EXOC4: variants seen among roughly 807,000 people sequenced by gnomAD.
EXOC4 encodes SEC8-like 1.
EXOC4 carries 71 observed loss-of-function variants against 107.2 expected under a neutral mutation model. The ratio of observed to expected loss-of-function variants is 0.66; its 90% CI spans 0.55 to 0.81. The LOEUF (loss-of-function observed/expected upper bound fraction) is 0.81. Among genes scored for constraint, EXOC4 ranks in the 30% least tolerant of loss-of-function variants. The pLI is 0.00. For synonymous variants in EXOC4, 456 were observed against 441.2 expected (o/e 1.03, Z -0.42); for missense variants, 1,108 against 1,189.6 (o/e 0.93, Z 1.01).
intron 17 of EXOC4, among the ~76,000 whole-genome samples, chr7:134,061,062 C>A (rs1166579530): frequency 3.3e-5 from 5 of 152,104 alleles, no homozygotes; most frequent in Non-Finnish European, 7.4e-5. Context: ...AAGTGGCATG[C>A]CCTTTATCAC....
At chr7:133,981,324 C>A (rs921889160) in intron 14 of EXOC4, among the ~76,000 whole-genome samples, 1 of 151,984 alleles carries the variant, frequency 6.6e-6, no homozygotes, top group African/African-American at 2.4e-5. Flanking sequence ...TCAGATTTTG[C>A]GATCAAATGT....
intron 10 of EXOC4, among the ~76,000 whole-genome samples, chr7:133,761,371 G>A (rs911302725): frequency 4.6e-5 from 7 of 152,030 alleles, no homozygotes; most frequent in African/African-American, 1.4e-4. Flanking sequence ...GAGAGTTTAA[G>A]GGTGCTTAAG....
intron 9 of EXOC4, among the ~76,000 whole-genome samples, chr7:133,589,369 C>T (rs780471410): frequency 9.2e-5 from 14 of 152,176 alleles, no homozygotes; most frequent in Admixed American, 1.3e-4. Context: ...TTGCTATGAC[C>T]TGTGCTCTTC....
Position 133,710,178 on chromosome 7 carries a change from G to A in EXOC4, c.1514+80037G>A, listed in dbSNP as rs565340128. Among the ~76,000 whole-genome samples, 5 of 152,168 alleles carry A rather than the reference G, an allele frequency of 3.3e-5. No individual in the cohort carries two copies. In the East Asian group the frequency reaches 9.7e-4, roughly 29 times the overall value. ...CAGAAGCAGCAATGGTGATAGTCTG[G>A]GCTTCTATCACAGGGTGGGACAGAC... On this transcript the variant is annotated intron_variant, in intron 10 of 17. Transcript: ENST00000253861.
At chr7:133,916,051 C>T (rs959599113) in intron 12 of EXOC4, among the ~76,000 whole-genome samples, 3 of 152,156 alleles carry the variant, frequency 2.0e-5, no homozygotes, top group African/African-American at 7.2e-5. Flanking sequence ...GGTCCCCAAC[C>T]TTTTTGGCAC....
chr7:134,077,542 G>A, the EXOC4 span, among the ~76,000 whole-genome samples: 1 of 152,212 alleles, frequency 6.6e-6, no homozygotes, highest in Non-Finnish European at 1.5e-5. Context: ...GGTTGAAACA[G>A]GAGAATCTTT....
chr7:133,996,351 G>C lies in EXOC4; in HGVS notation c.2207-1141G>C, dbSNP rs141249621. ...GCCAGGACTTAAAGCCAAACTTTGA[G>C]GCTCTAGAGAGCTAAGAAAACTTTT... is the stretch of plus-strand genomic sequence containing the variant. On this transcript the variant is annotated intron_variant, in intron 14 of 17. Transcript: ENST00000253861. Among the ~76,000 whole-genome samples, 891 of 152,184 alleles carry C rather than the reference G, an allele frequency of 5.9e-3. 6 individuals are homozygous for C. The highest frequency in any genetic ancestry group is 0.02 in the African/African-American group (843 of 41,524).
chr7:133,727,836 GTTTTTATA>G (rs1795248200), intron 10 of EXOC4: 1 of 152,072 alleles, frequency 6.6e-6, no homozygotes. Flanking sequence ...ATTTTTATTC[GTTTTTATA>G]TTTTTATAGT....
intron 10 of EXOC4, among the ~76,000 whole-genome samples, chr7:133,689,784 C>T (rs1410349028): frequency 2.0e-5 from 3 of 152,208 alleles, no homozygotes; most frequent in African/African-American, 7.2e-5. Context: ...GAGCCAGACT[C>T]AGGTTTGGTC....
chr7:133,586,340 C>T (rs545709655), intron 9 of EXOC4, among the ~76,000 whole-genome samples: 12 of 152,238 alleles, frequency 7.9e-5, no homozygotes, highest in South Asian at 2.1e-4. Context: ...ATGCAGTATT[C>T]GGTTTTCTGT....
At chr7:133,500,781 T>G (rs1799560796) in intron 9 of EXOC4, among the ~76,000 whole-genome samples, 1 of 152,242 alleles carries the variant, frequency 6.6e-6, no homozygotes, top group Non-Finnish European at 1.5e-5. Context: ...TCAGTTCTTT[T>G]AATTTTAGAC....
At chr7:133,904,377 G>A (rs978649591) in intron 12 of EXOC4, among the ~76,000 whole-genome samples, 3 of 152,150 alleles carry the variant, frequency 2.0e-5, no homozygotes, top group Non-Finnish European at 4.4e-5. Flanking sequence ...CCGTTCTATA[G>A]GAATTGTGTT....
intron 10 of EXOC4, among the ~76,000 whole-genome samples, chr7:133,757,395 A>G (rs1424942888): frequency 3.9e-5 from 6 of 152,196 alleles, no homozygotes; most frequent in African/African-American, 1.4e-4. Flanking sequence ...TGTGATTTTG[A>G]TGTTTAAAGG....
chr7:133,288,419 T>A (rs1238558828), intron 2 of EXOC4, among the ~76,000 whole-genome samples: 1 of 152,166 alleles, frequency 6.6e-6, no homozygotes, highest in Non-Finnish European at 1.5e-5. Context: ...GTGCCTACTT[T>A]CTTTTGGAAG....
chr7:133,562,665 G>A (rs1800831821), intron 9 of EXOC4, among the ~76,000 whole-genome samples: 1 of 152,100 alleles, frequency 6.6e-6, no homozygotes, highest in African/African-American at 2.4e-5. Context: ...TTGTACTAAG[G>A]CAACAAATTG....
At chr7:134,029,132 C>T (rs770304765) in intron 17 of EXOC4, among the ~76,000 whole-genome samples, 9 of 152,180 alleles carry the variant, frequency 5.9e-5, no homozygotes, top group Admixed American at 1.3e-4. Context: ...AGAGGGATGA[C>T]GTACCCTCAG....
At position 133,385,362 on chromosome 7, in the gene EXOC4, C is replaced by A. The variant is rs534281755; in HGVS notation, c.1182+10360C>A. Among the ~76,000 whole-genome samples the A allele has an allele frequency of 3.9e-5, 6 of 152,322 alleles. No individual in the cohort carries two copies. In the South Asian group the frequency reaches 1.2e-3, roughly 32 times the overall value. ...TATAGACCCACCAGTCAGACACTGG[C>A]ATGAAGTCATTGTCTTTGGGTTTGT... On this transcript the variant is annotated intron_variant, in intron 7 of 17. Coordinates refer to ENST00000253861, the MANE Select transcript of EXOC4 (RefSeq NM_021807.4).
intron 7 of EXOC4, among the ~76,000 whole-genome samples, chr7:133,439,386 T>C (rs1451720164): frequency 6.6e-6 from 1 of 151,878 alleles, no homozygotes; most frequent in Non-Finnish European, 1.5e-5. Context: ...GGTTTCATCA[T>C]GTTGGCCAGG....
chr7:133,629,636 G>T (rs935586055), intron 9 of EXOC4, among the ~76,000 whole-genome samples: 4 of 151,914 alleles, frequency 2.6e-5, no homozygotes, highest in Non-Finnish European at 4.4e-5. Context: ...CACCTCCCAG[G>T]TTCAAGCAAT....
Sources: allele counts gnomAD v4.1 joint callset (sites outside exome capture counted in the v4.1 genomes callset), GRCh38; gene constraint gnomAD v4.1.1; transcripts MANE v1.5; gene names NCBI Gene and HGNC (gene_info 2026-07-23, HGNC 2026-07-21).